The following SPTBN1 variants were observed in gnomAD, a reference collection of about 807,000 sequenced individuals.
SPTBN1 encodes the protein spectrin beta chain, non-erythrocytic 1.
In SPTBN1, 32 loss-of-function variants were observed where a neutral mutation model predicts 266.4. The observed-to-expected ratio is 0.12, with a 90% CI of 0.09 to 0.16. The LOEUF is 0.16. SPTBN1 is among the 10% of genes least tolerant of loss of function. SPTBN1 has a pLI of 1.00. For synonymous variants in SPTBN1, 1,336 were observed against 1,162.2 expected (o/e 1.15, Z -3.04); for missense variants, 2,296 against 3,067.1 (o/e 0.75, Z 5.94).
chr2:54,582,221 A>G (rs1272033909), intron 2 of SPTBN1, among the ~76,000 whole-genome samples: 1 of 152,190 alleles, frequency 6.6e-6, no homozygotes, highest in African/African-American at 2.4e-5. Context: ...GGTCTAAGAA[A>G]GCATTTTATT....
Position 54,533,351 on chromosome 2 carries a change from TGTGTGTG to T in SPTBN1, c.148+6786_148+6792del, listed in dbSNP as rs1000882493. ...TGAAACCCAGGCTAAAGGGGACTAG[TGTGTGTG>T]TGTGTGTGTGTGTGTGTGTGTGTGT... On this transcript the variant is annotated intron_variant, in intron 2 of 35. Transcript: ENST00000356805. This position sits in a 1 kb window ranked among gnomAD's most constrained non-coding sequence, Gnocchi z 4.2. 2.2e-3 allele frequency among the ~76,000 whole-genome samples: 45 copies of T among 20,858 alleles called. No homozygotes were observed. The highest frequency in any genetic ancestry group is 8.7e-4 in the Non-Finnish European group (8 of 9,200). 13.7% of individuals were successfully genotyped at this position (20,858 alleles called of 152,430 possible). A position where few individuals can be genotyped will look rare whatever the true frequency, so the allele number is the denominator to read the frequency against.
chr2:54,502,780 C>T (rs1312295631), intron 1 of SPTBN1, among the ~76,000 whole-genome samples: 1 of 152,106 alleles, frequency 6.6e-6, no homozygotes, highest in Non-Finnish European at 1.5e-5. Context: ...GCCTGTTGAG[C>T]AGGAACCTTC....
At chr2:54,481,436 G>T (rs1668099322) in intron 1 of SPTBN1, among the ~76,000 whole-genome samples, 1 of 76,664 alleles carries the variant, frequency 1.3e-5, no homozygotes, top group Admixed American at 1.3e-4. Context: ...GTGTGTGTGT[G>T]TGTGTTTTGT....
intron 1 of SPTBN1, among the ~76,000 whole-genome samples, chr2:54,473,577 G>T (rs1278865961): frequency 6.6e-6 from 1 of 152,012 alleles, no homozygotes; most frequent in Admixed American, 6.5e-5. Flanking sequence ...TTGTATTGAG[G>T]AGAGGTGAAC....
At chr2:54,600,822 T>G (rs1007231811) in intron 3 of SPTBN1, among the ~76,000 whole-genome samples, 10 of 142,758 alleles carry the variant, frequency 7.0e-5, no homozygotes, top group Admixed American at 2.1e-4. Context: ...ATTTTTGTGG[T>G]TTTTTTTTTT....
chr2:54,661,103 C>A (rs1482943381), intron 32 of SPTBN1: 4 of 985,270 alleles, frequency 4.1e-6, no homozygotes, highest in Non-Finnish European at 4.8e-6. Flanking sequence ...CACTGTACAT[C>A]TTGGATTAAT....
At chr2:54,502,562 C>T (rs1350829522) in intron 1 of SPTBN1, among the ~76,000 whole-genome samples, 1 of 152,016 alleles carries the variant, frequency 6.6e-6, no homozygotes, top group Non-Finnish European at 1.5e-5. Flanking sequence ...GGTGACAGCT[C>T]CCTGCCTACT....
intron 26 of SPTBN1, chr2:54,652,598 C>T (rs1260923955): frequency 6.6e-6 from 1 of 152,176 alleles, no homozygotes; most frequent in Non-Finnish European, 1.5e-5. Context: ...AGGATCAATT[C>T]CCCAAAGTAG....
At chr2:54,497,627 G>A (rs1320063173) in intron 1 of SPTBN1, among the ~76,000 whole-genome samples, 1 of 151,924 alleles carries the variant, frequency 6.6e-6, no homozygotes, top group Non-Finnish European at 1.5e-5. Context: ...AACTTTTTTG[G>A]GAATTGCAGA....
intron 1 of SPTBN1, among the ~76,000 whole-genome samples, chr2:54,523,996 C>T (rs1401244769): frequency 6.6e-6 from 1 of 152,106 alleles, no homozygotes; most frequent in Non-Finnish European, 1.5e-5. Context: ...TCTAGGAGTT[C>T]GAGACCAGCC....
intron 2 of SPTBN1, among the ~76,000 whole-genome samples, chr2:54,536,711 A>C (rs1380636205): frequency 1.3e-5 from 2 of 152,162 alleles, no homozygotes; most frequent in Non-Finnish European, 2.9e-5. Context: ...CTGAACAACA[A>C]AGATATGTGT....
At chr2:54,623,623 G>A (rs562456760) in intron 10 of SPTBN1, 27 bp downstream of exon 10, 6 of 1,573,448 alleles carry the variant, frequency 3.8e-6, no homozygotes, top group Non-Finnish European at 5.2e-6. Flanking sequence ...CTCTGCATGG[G>A]CCCTGACCTC....
rs992626565 is a variant in SPTBN1, at chr2:54,554,919, G to GTCC, written c.148+28367_148+28369dup. On this transcript the variant is annotated intron_variant, in intron 2 of 35. Coordinates refer to ENST00000356805, the MANE Select transcript of SPTBN1 (RefSeq NM_003128.3). The surrounding 1 kb of genome is among the most constrained non-coding windows in gnomAD (Gnocchi z 4.5). Reference sequence around the variant, plus strand: ...GTCTCATCTTCATAGCTTCTTCTTCGTCCTCCTCCTCCTCCTTTCTCGTTA... The same window carrying GTCC: ...GTCTCATCTTCATAGCTTCTTCTTCGTCCTCCTCCTCCTCCTCCTTTCTCGTTA... Among the ~76,000 whole-genome samples, 3 of 152,000 alleles carry GTCC rather than the reference G, an allele frequency of 2.0e-5. No homozygotes were observed. The highest frequency in any genetic ancestry group is 7.3e-5 in the African/African-American group (3 of 41,352).
At chr2:54,552,490 G>A (rs979252630) in intron 2 of SPTBN1, among the ~76,000 whole-genome samples, 5 of 148,450 alleles carry the variant, frequency 3.4e-5, no homozygotes, top group Admixed American at 6.8e-5. Context: ...ATGGAGTCTC[G>A]CTGTCACCCA....
At chr2:54,494,919 A>T (rs201336726) in intron 1 of SPTBN1, among the ~76,000 whole-genome samples, 1,175 of 34,224 alleles carry the variant, frequency 0.034, 12 homozygotes, top group African/African-American at 0.12. Flanking sequence ...TTTTTTTTTA[A>T]AAAAAAAAAA....
At chr2:54,537,039 A>G (rs1671653722) in intron 2 of SPTBN1, among the ~76,000 whole-genome samples, 1 of 152,244 alleles carries the variant, frequency 6.6e-6, no homozygotes. Context: ...TCTTTAAAAA[A>G]TAAATACATA....
chr2:54,591,707 T>C (rs1675694113), intron 2 of SPTBN1, among the ~76,000 whole-genome samples: 1 of 152,212 alleles, frequency 6.6e-6, no homozygotes, highest in African/African-American at 2.4e-5. Flanking sequence ...CTGTGGCATA[T>C]GGTGAATATA....
At chr2:54,643,439 A>G (rs180896268) in intron 19 of SPTBN1, among the ~76,000 whole-genome samples, 206 of 152,322 alleles carry the variant, frequency 1.4e-3, no homozygotes, top group Admixed American at 2.5e-3. Flanking sequence ...CAGGGATTCC[A>G]CTGTCTTGAT....
chr2:54,480,331 G>C (rs569353672), intron 1 of SPTBN1, among the ~76,000 whole-genome samples: 1 of 152,322 alleles, frequency 6.6e-6, no homozygotes, highest in Non-Finnish European at 1.5e-5. Context: ...CCAGAGTAGT[G>C]ATATGCAGGG....
Sources: gnomAD v4.1 joint callset for allele counts (sites outside exome capture counted in the v4.1 genomes callset) on GRCh38, gnomAD v4.1.1 for gene constraint, Gnocchi (gnomAD v3.1) non-coding constraint, MANE v1.5 for transcripts, NCBI Gene and HGNC (gene_info 2026-07-23, HGNC 2026-07-21) for gene names.